ECHDC2: variants seen among roughly 807,000 people sequenced by gnomAD.
The protein encoded by ECHDC2 is enoyl-CoA hydratase domain containing 2, also known as enoyl-CoA hydratase domain-containing protein 2, mitochondrial.
Under a neutral mutation model 40.6 loss-of-function variants are expected in ECHDC2, and 34 were observed. The ratio of observed to expected loss-of-function variants is 0.84; its 90% CI spans 0.64 to 1.11. The LOEUF is 1.11. Among genes scored for constraint, ECHDC2 ranks in the 50% most tolerant of loss-of-function variants. ECHDC2 has a pLI of 0.00. For missense variants in ECHDC2, 392 were observed against 400.7 expected, an observed-to-expected ratio of 0.98 and a Z score of 0.19; for synonymous variants, 162 against 166.6, an observed-to-expected ratio of 0.97 and a Z score of 0.21.
intron 4 of ECHDC2, chr1:52,907,660 G>C: frequency 1.8e-6 from 1 of 548,618 alleles, no homozygotes; most frequent in South Asian, 2.5e-5. Context: ...CTGAGGGTGG[G>C]GCGGGACACA....
chr1:52,912,682 T>C (rs545016046), intron 1 of ECHDC2: 1 of 152,256 alleles, frequency 6.6e-6, no homozygotes, highest in East Asian at 1.9e-4. Context: ...AGTAACTCTT[T>C]GACTTATAGT....
intron 3 of ECHDC2, among the ~76,000 whole-genome samples, chr1:52,910,365 T>G (rs1386203063): frequency 2.0e-5 from 2 of 102,414 alleles, no homozygotes; most frequent in Non-Finnish European, 4.0e-5. Context: ...TTTTTTTTTT[T>G]TTTTTTTTTT....
intron 7 of ECHDC2, among the ~76,000 whole-genome samples, chr1:52,904,240 G>C (rs1441707181): frequency 6.6e-6 from 1 of 152,110 alleles, no homozygotes; most frequent in East Asian, 1.9e-4. Flanking sequence ...GTGCTATATA[G>C]TATAGTAGCC....
At chr1:52,902,889 G>GGGA (rs1647076005) in intron 7 of ECHDC2, among the ~76,000 whole-genome samples, 1 of 151,984 alleles carries the variant, frequency 6.6e-6, no homozygotes, top group Non-Finnish European at 1.5e-5. Context: ...AGATAAAATG[G>GGGA]GGATAATCAG....
rs1650287254 is a variant in ECHDC2 at position 52,914,684 on chromosome 1, A to G, written c.122-2894T>C. Among the ~76,000 whole-genome samples the G allele has an allele frequency of 6.6e-6, 1 of 152,110 alleles. No individual in the cohort carries two copies. The highest frequency in any genetic ancestry group is 1.5e-5 in the Non-Finnish European group (1 of 68,008). On this transcript the variant is annotated intron_variant, in intron 1 of 9. Coordinates refer to ENST00000371522, the MANE Select transcript of ECHDC2 (RefSeq NM_001198961.2). The surrounding 1 kb of genome is among the most constrained non-coding windows in gnomAD (Gnocchi z 4.0). ...TATGTCCTGCTCCATTGATGAGCCA[A>G]TGACCTTGCTATCAACTCAGAAGTT...
intron 9 of ECHDC2, 91 bp from the exon 10 acceptor site, chr1:52,896,688 A>C: frequency 9.5e-7 from 1 of 1,055,976 alleles, no homozygotes; most frequent in Non-Finnish European, 1.5e-6. Context: ...AGACAAGGCC[A>C]GGGTCCAAGT....
At chr1:52,899,517 C>T (rs1646856519) in intron 7 of ECHDC2, 1 of 430,170 alleles carries the variant, frequency 2.3e-6, no homozygotes, top group Non-Finnish European at 4.2e-6. Flanking sequence ...CCCACAGACT[C>T]ATCTAATGGT....
intron 1 of ECHDC2, chr1:52,915,260 CTTA>C: frequency 6.6e-6 from 3 of 455,992 alleles, no homozygotes; most frequent in Non-Finnish European, 4.4e-6. Context: ...TCAAAGACCC[CTTA>C]TTATTATCTC....
intron 8 of ECHDC2, chr1:52,897,714 C>T (rs1278380236): frequency 1.7e-6 from 1 of 598,150 alleles, no homozygotes; most frequent in East Asian, 2.8e-5. Flanking sequence ...TCCCATCCGG[C>T]TGCCTCACCA....
chr1:52,898,933 C>G, intron 8 of ECHDC2: 1 of 585,048 alleles, frequency 1.7e-6, no homozygotes, highest in South Asian at 2.0e-5. Flanking sequence ...TTTACCCTTT[C>G]TTAACCTCAA....
chr1:52,905,230 G>T, intron 5 of ECHDC2, 140 bp from the exon 6 acceptor site: 1 of 870,162 alleles, frequency 1.1e-6, no homozygotes, highest in Non-Finnish European at 1.8e-6. Flanking sequence ...GGCCTCTCCA[G>T]ACTCTGCCTT....
chr1:52,900,995 C>G (rs1646954599), intron 7 of ECHDC2: 1 of 151,686 alleles, frequency 6.6e-6, no homozygotes, highest in Non-Finnish European at 1.5e-5. Flanking sequence ...CCCATCTCTA[C>G]AAAAAATAAA....
chr1:52,912,602 T>G (rs985160471), intron 1 of ECHDC2, among the ~76,000 whole-genome samples: 7 of 152,134 alleles, frequency 4.6e-5, no homozygotes, highest in Non-Finnish European at 1.0e-4. Context: ...GAAATAGAAC[T>G]GTGCCGGCCA....
At chr1:52,902,130 C>A (rs1351476166) in intron 7 of ECHDC2, 2 of 151,946 alleles carry the variant, frequency 1.3e-5, no homozygotes, top group Non-Finnish European at 2.9e-5. Context: ...ATTTGAGAGA[C>A]AGGAAAGAAA....
intron 1 of ECHDC2, 194 bp from the exon 2 acceptor site, chr1:52,911,984 T>C: frequency 7.0e-7 from 1 of 1,429,742 alleles, no homozygotes; most frequent in Non-Finnish European, 9.1e-7. Context: ...AAACCCTTGC[T>C]CTTTCTGCCT....
intron 4 of ECHDC2, 42 bp downstream of exon 4, chr1:52,907,826 G>T: frequency 6.5e-7 from 1 of 1,530,780 alleles, no homozygotes; most frequent in Non-Finnish European, 9.0e-7. Flanking sequence ...CATCGGCAGG[G>T]ACCCCCAAAC....
chr1:52,902,593 A>G (rs1208866405), intron 7 of ECHDC2, among the ~76,000 whole-genome samples: 2 of 152,216 alleles, frequency 1.3e-5, no homozygotes, highest in Non-Finnish European at 2.9e-5. Context: ...CTAAGCCAAA[A>G]TGGTTACTTT....
Position 52,905,103 on chromosome 1 carries a change from A to G in ECHDC2, c.458-13T>C. 6.2e-7 allele frequency: 1 copy of G among 1,613,916 alleles called. No homozygotes were observed. Among genetic ancestry groups the G allele is most frequent in the Non-Finnish European group, 8.5e-7 (1 of 1,179,980 alleles). ...ACTGCCGAGGAAGCTGCTCAGATAG[A>G]ACAAAGTGAGGCCTCCCTCCCCCAT... On this transcript the variant is annotated splice_polypyrimidine_tract_variant and intron_variant, in intron 5 of 9. Coordinates refer to ENST00000371522, the MANE Select transcript of ECHDC2 (RefSeq NM_001198961.2).
chr1:52,897,504 C>T lies in ECHDC2; in HGVS notation c.754-20G>A. 1.2e-6 allele frequency: 2 copies of T among 1,614,088 alleles called. No individual in the cohort carries two copies. ...GTCCACCTGCAAGAAAGACGTGCTCCCTGGATTGGTCTGACCTTGTCCATC... is the reference window on the plus strand; with the variant it reads ...GTCCACCTGCAAGAAAGACGTGCTCTCTGGATTGGTCTGACCTTGTCCATC... On this transcript the variant is annotated intron_variant, in intron 8 of 9. Transcript: ENST00000371522.
Sources: gnomAD v4.1 joint callset for allele counts (sites outside exome capture counted in the v4.1 genomes callset) on GRCh38, gnomAD v4.1.1 for gene constraint, Gnocchi (gnomAD v3.1) non-coding constraint, MANE v1.5 for transcripts, NCBI Gene and HGNC (gene_info 2026-07-23, HGNC 2026-07-21) for gene names.